Variants in NAPB observed in about 807,000 individuals in gnomAD.
NAPB encodes beta-soluble NSF attachment protein.
NAPB carries 26 observed loss-of-function variants against 44.7 expected under a neutral mutation model. The observed-to-expected ratio is 0.58, with a 90% CI of 0.43 to 0.81. The LOEUF is 0.81. NAPB is among the 30% of genes least tolerant of loss of function. The pLI is 0.00. For synonymous variants in NAPB, 120 were observed against 116.8 expected, an observed-to-expected ratio of 1.03 and a Z score of -0.18; for missense variants, 315 against 356.4, an observed-to-expected ratio of 0.88 and a Z score of 0.94.
chr20:23,401,944 G>A (rs1228744829), intron 2 of NAPB, among the ~76,000 whole-genome samples: 1 of 152,096 alleles, frequency 6.6e-6, no homozygotes. Context: ...GATCTCTTCA[G>A]GTAAGATCAC....
At chr20:23,395,808 C>A (rs1984314979) in intron 3 of NAPB, among the ~76,000 whole-genome samples, 1 of 152,020 alleles carries the variant, frequency 6.6e-6, no homozygotes, top group Non-Finnish European at 1.5e-5. Flanking sequence ...AACAAGTGAG[C>A]CAAAAAATTT....
chr20:23,389,485 T>C (rs775683017), intron 7 of NAPB, among the ~76,000 whole-genome samples: 1 of 152,084 alleles, frequency 6.6e-6, no homozygotes, highest in Non-Finnish European at 1.5e-5. Context: ...TTATTGATAA[T>C]AGCCCCAAAG....
chr20:23,409,397 T>A (rs7272812), intron 1 of NAPB, among the ~76,000 whole-genome samples: 3,125 of 152,310 alleles, frequency 0.021, 112 homozygotes, highest in African/African-American at 0.071. Flanking sequence ...AGAAAACTAG[T>A]TAGACTTTAT....
At chr20:23,382,426 G>A (rs908520076) in intron 7 of NAPB, among the ~76,000 whole-genome samples, 1 of 152,148 alleles carries the variant, frequency 6.6e-6, no homozygotes, top group African/African-American at 2.4e-5. Flanking sequence ...CAAAAACACA[G>A]GAAGATCTCA....
chr20:23,417,252 T>C lies in NAPB; in HGVS notation c.98+4053A>G, dbSNP rs188626681. ...GCGCCCGCCACCACGCCAGGCTAAT[T>C]TTTGTATTTTTAGTAGAGACGGGGT... On this transcript the variant is annotated intron_variant, in intron 1 of 10. Transcript: ENST00000377026. Among the ~76,000 whole-genome samples the C allele has an allele frequency of 6.6e-5, 10 of 152,158 alleles. No individual in the cohort carries two copies. In the East Asian group the frequency reaches 1.9e-3, roughly 29 times the overall value.
rs565668035 is a variant in NAPB at position 23,376,408 on chromosome 20, T to C, written c.*968A>G. 1 of 152,342 alleles carries C rather than the reference T, an allele frequency of 6.6e-6. No homozygotes were observed. The highest frequency in any genetic ancestry group is 2.1e-4 in the South Asian group (1 of 4,828). The allele number at this position is 152,342 out of a possible 1,614,324, so 9.4% of individuals were successfully genotyped here. On this transcript the variant is annotated 3_prime_UTR_variant, in exon 11 of 11. Coordinates refer to ENST00000377026, the MANE Select transcript of NAPB (RefSeq NM_022080.3). Reference sequence around the variant, plus strand: ...ATTCCTGTACCACATTCACCCCACCTAACCCATCATGTACAATAAACAGGA... The same window carrying C: ...ATTCCTGTACCACATTCACCCCACCCAACCCATCATGTACAATAAACAGGA...
At chr20:23,396,692 A>T (rs947014004) in intron 3 of NAPB, 3 of 152,828 alleles carry the variant, frequency 2.0e-5, no homozygotes, top group African/African-American at 7.2e-5. Context: ...CTCCTTAGGT[A>T]TTTAGGAGTA....
At chr20:23,413,410 T>A (rs1473441307) in intron 1 of NAPB, among the ~76,000 whole-genome samples, 1 of 152,124 alleles carries the variant, frequency 6.6e-6, no homozygotes, top group African/African-American at 2.4e-5. Flanking sequence ...TAGCCATGAA[T>A]ATTTTAATCC....
intron 3 of NAPB, among the ~76,000 whole-genome samples, chr20:23,395,595 C>T (rs1458894489): frequency 6.6e-6 from 1 of 152,120 alleles, no homozygotes; most frequent in Non-Finnish European, 1.5e-5. Context: ...GAACATGGCA[C>T]CACATCACAA....
intron 2 of NAPB, 149 bp downstream of exon 2, chr20:23,402,842 CAT>C (rs1360820873): frequency 7.9e-6 from 5 of 630,450 alleles, no homozygotes; most frequent in African/African-American, 1.8e-5. Context: ...CTTTAGTCTC[CAT>C]ATGTCAGTAG....
At chr20:23,400,864 C>G (rs1183116687) in intron 2 of NAPB, among the ~76,000 whole-genome samples, 2 of 152,050 alleles carry the variant, frequency 1.3e-5, no homozygotes, top group East Asian at 3.9e-4. Flanking sequence ...AACACACAAA[C>G]ATGGCCTTCC....
At chr20:23,403,099 T>C (rs761701894) in intron 1 of NAPB, 27 bp from the exon 2 acceptor site, 1 of 1,541,444 alleles carries the variant, frequency 6.5e-7, no homozygotes, top group East Asian at 2.2e-5. Context: ...AATTAGATTT[T>C]TAACAACCAT....
intron 7 of NAPB, among the ~76,000 whole-genome samples, chr20:23,382,199 C>T (rs1442829085): frequency 6.6e-6 from 1 of 152,208 alleles, no homozygotes; most frequent in African/African-American, 2.4e-5. Context: ...GATGCCACTT[C>T]TGCCCAGGGC....
intron 1 of NAPB, among the ~76,000 whole-genome samples, chr20:23,412,316 A>G (rs1045826501): frequency 6.6e-6 from 1 of 152,216 alleles, no homozygotes; most frequent in African/African-American, 2.4e-5. Context: ...GCACAAGGTA[A>G]CAGACAGCAT....
Position 23,403,193 on chromosome 20 carries a change from A to T in NAPB, c.99-121T>A, listed in dbSNP as rs901646306. The T allele has an allele frequency of 4.2e-6, 3 of 716,598 alleles. No individual in the cohort carries two copies. The African/African-American group carries it at 5.4e-5, about 13-fold the overall frequency. 44.4% of individuals were successfully genotyped at this position (716,598 alleles called of 1,614,324 possible). Reference sequence around the variant, plus strand: ...GCCAGACAAGCATTACAGAATCTTAACCTCTATTTAAAGGAGATACTCTTA... The same window carrying T: ...GCCAGACAAGCATTACAGAATCTTATCCTCTATTTAAAGGAGATACTCTTA... On this transcript the variant is annotated intron_variant, in intron 1 of 10. Coordinates refer to ENST00000377026, the MANE Select transcript of NAPB (RefSeq NM_022080.3).
intron 7 of NAPB, among the ~76,000 whole-genome samples, chr20:23,384,200 A>G (rs866421420): frequency 6.6e-6 from 1 of 152,182 alleles, no homozygotes; most frequent in South Asian, 2.1e-4. Context: ...ACAGATTTTG[A>G]TATATGAGAG....
chr20:23,407,844 T>G (rs1342425729), intron 1 of NAPB, among the ~76,000 whole-genome samples: 1 of 152,210 alleles, frequency 6.6e-6, no homozygotes, highest in Admixed American at 6.5e-5. Flanking sequence ...CCAATTCATC[T>G]TCAAATAATC....
chr20:23,381,365 T>A (rs2123133593), intron 7 of NAPB, 48 bp from the exon 8 acceptor site: 1 of 1,159,896 alleles, frequency 8.6e-7, no homozygotes, highest in South Asian at 1.6e-5. Context: ...CCCTCTTATA[T>A]CAGGCAAAGT....
intron 7 of NAPB, among the ~76,000 whole-genome samples, chr20:23,386,078 G>A (rs1431768292): frequency 6.6e-6 from 1 of 151,984 alleles, no homozygotes; most frequent in Non-Finnish European, 1.5e-5. Flanking sequence ...ATAATCCATG[G>A]GTCACTGAAG....
Sources: gnomAD v4.1 joint callset for allele counts (sites outside exome capture counted in the v4.1 genomes callset) on GRCh38, gnomAD v4.1.1 for gene constraint, MANE v1.5 for transcripts, NCBI Gene and HGNC (gene_info 2026-07-23, HGNC 2026-07-21) for gene names.